RASAL2: variants seen among roughly 807,000 people sequenced by gnomAD.
The protein encoded by RASAL2 is RAS protein activator like 2.
In RASAL2, 58 loss-of-function variants were observed where a neutral mutation model predicts 128.9. The observed-to-expected ratio is 0.45, with a 90% CI of 0.36 to 0.56. RASAL2 has a LOEUF of 0.56. RASAL2 is among the 20% of genes least tolerant of loss of function. The pLI, the probability that RASAL2 is intolerant of heterozygous loss-of-function variation, is 0.00. For synonymous variants in RASAL2, 561 were observed against 580.8 expected, an observed-to-expected ratio of 0.97 and a Z score of 0.49; for missense variants, 1,360 against 1,601.6, an observed-to-expected ratio of 0.85 and a Z score of 2.57.
chr1:178,253,548 A>G (rs1665158377), intron 1 of RASAL2, among the ~76,000 whole-genome samples: 1 of 152,154 alleles, frequency 6.6e-6, no homozygotes, highest in Admixed American at 6.5e-5. Context: ...AAGGCTGTTT[A>G]TTTCACCTGG....
intron 3 of RASAL2, among the ~76,000 whole-genome samples, chr1:178,379,880 A>C (rs1385122449): frequency 6.6e-6 from 1 of 152,196 alleles, no homozygotes; most frequent in Non-Finnish European, 1.5e-5. Flanking sequence ...AATTATGTTT[A>C]AGTGTGCTTC....
At chr1:178,199,971 G>A (rs1662806035) in intron 1 of RASAL2, among the ~76,000 whole-genome samples, 1 of 152,150 alleles carries the variant, frequency 6.6e-6, no homozygotes, top group Non-Finnish European at 1.5e-5. Context: ...CTCCCATGCT[G>A]GATGCTTCCT....
At chr1:178,342,773 G>T (rs909741912) in intron 3 of RASAL2, among the ~76,000 whole-genome samples, 6 of 152,080 alleles carry the variant, frequency 3.9e-5, no homozygotes, top group Admixed American at 6.6e-5. Context: ...AAAAATATAA[G>T]ATAATATTTT....
At chr1:178,426,210 AAC>A (rs1675503389) in intron 5 of RASAL2, among the ~76,000 whole-genome samples, 1 of 152,196 alleles carries the variant, frequency 6.6e-6, no homozygotes, top group African/African-American at 2.4e-5. Flanking sequence ...TGTTCATAAC[AAC>A]ATTATTCATA....
intron 6 of RASAL2, 68 bp downstream of exon 6, chr1:178,439,643 T>TG: frequency 6.7e-7 from 1 of 1,494,130 alleles, no homozygotes; most frequent in Non-Finnish European, 9.1e-7. Context: ...CCAGTAATTT[T>TG]GCGATTTCAT....
At chr1:178,250,735 T>G (rs896639552) in intron 1 of RASAL2, among the ~76,000 whole-genome samples, 1 of 152,200 alleles carries the variant, frequency 6.6e-6, no homozygotes, top group Admixed American at 6.5e-5. Flanking sequence ...TATAAAAGTT[T>G]ACAACTATGG....
chr1:178,247,974 G>A (rs922589626), intron 1 of RASAL2, among the ~76,000 whole-genome samples: 1 of 152,150 alleles, frequency 6.6e-6, no homozygotes, highest in African/African-American at 2.4e-5. Context: ...TTACTGAGGA[G>A]TGTTTTACTT....
At chr1:178,450,390 A>C (rs1361754630) in intron 9 of RASAL2, among the ~76,000 whole-genome samples, 1 of 152,038 alleles carries the variant, frequency 6.6e-6, no homozygotes, top group Non-Finnish European at 1.5e-5. Flanking sequence ...TTGAGCCTAG[A>C]TCTCTGACCT....
At chr1:178,463,261 C>G (rs1047472742) in intron 14 of RASAL2, among the ~76,000 whole-genome samples, 5 of 151,840 alleles carry the variant, frequency 3.3e-5, no homozygotes, top group African/African-American at 1.2e-4. Flanking sequence ...AGCTTACTCT[C>G]TCTCTCTGAG....
chr1:178,423,781 T>C (rs572341171), intron 5 of RASAL2, among the ~76,000 whole-genome samples: 1 of 152,302 alleles, frequency 6.6e-6, no homozygotes, highest in South Asian at 2.1e-4. Context: ...TCCTGTCGTA[T>C]GTTTTCTTCT....
rs529400593 is a variant in RASAL2 at position 178,346,062 on chromosome 1, A to G, written c.458-44038A>G. On this transcript the variant is annotated intron_variant, in intron 3 of 17. Coordinates refer to ENST00000367649, the MANE Select transcript of RASAL2 (RefSeq NM_170692.4). ...TGGCCTGCTTTATTTATGAATCTCT[A>G]TTGTACAGCTGAAATTTAAGGAGTT... Among the ~76,000 whole-genome samples, 103 of 152,294 alleles carry G rather than the reference A, an allele frequency of 6.8e-4. 1 individual carries two copies. In the South Asian group the frequency reaches 0.02, roughly 29 times the overall value.
At chr1:178,411,840 C>T (rs566930320) in intron 4 of RASAL2, 52 of 757,722 alleles carry the variant, frequency 6.9e-5, no homozygotes, top group East Asian at 6.7e-4. Flanking sequence ...CTGCCCTACA[C>T]GTCAAACTCT....
intron 3 of RASAL2, among the ~76,000 whole-genome samples, chr1:178,307,700 A>G (rs1304755453): frequency 2.0e-5 from 3 of 152,140 alleles, no homozygotes; most frequent in Non-Finnish European, 2.9e-5. Context: ...TATGGAAGAA[A>G]ATTTATCTCT....
intron 1 of RASAL2, among the ~76,000 whole-genome samples, chr1:178,211,581 A>G (rs973502172): frequency 2.6e-5 from 4 of 152,028 alleles, no homozygotes; most frequent in Admixed American, 2.0e-4. Flanking sequence ...CCTGAAATGG[A>G]TCGTGCTGTT....
intron 6 of RASAL2, among the ~76,000 whole-genome samples, chr1:178,440,900 C>T (rs1022614858): frequency 6.7e-6 from 1 of 148,238 alleles, no homozygotes; most frequent in Non-Finnish European, 1.5e-5. Context: ...AGGACAGTCT[C>T]AAGAAATCTG....
chr1:178,304,767 C>T (rs1005565557), intron 3 of RASAL2, among the ~76,000 whole-genome samples: 4 of 152,274 alleles, frequency 2.6e-5, no homozygotes, highest in African/African-American at 9.6e-5. Flanking sequence ...ACTTTTACCA[C>T]TCTTATTTGT....
chr1:178,150,248 G>T (rs1660866525), intron 1 of RASAL2, among the ~76,000 whole-genome samples: 2 of 152,104 alleles, frequency 1.3e-5, no homozygotes, highest in Admixed American at 6.5e-5. Flanking sequence ...AGGCTGGAGT[G>T]CAGCAGCATG....
intron 1 of RASAL2, among the ~76,000 whole-genome samples, chr1:178,253,406 A>G (rs1289852957): frequency 6.6e-6 from 1 of 152,178 alleles, no homozygotes; most frequent in Non-Finnish European, 1.5e-5. Flanking sequence ...TTTGGGGGGC[A>G]TACAATTCAA....
chr1:178,110,639 T>TAC (rs1459476627), intron 1 of RASAL2, among the ~76,000 whole-genome samples: 9 of 33,454 alleles, frequency 2.7e-4, no homozygotes, highest in East Asian at 9.8e-4. Flanking sequence ...AGTGTATACA[T>TAC]ATATATATAT....
Sources: allele counts gnomAD v4.1 joint callset (sites outside exome capture counted in the v4.1 genomes callset), GRCh38; gene constraint gnomAD v4.1.1; transcripts MANE v1.5; gene names NCBI Gene and HGNC (gene_info 2026-07-23, HGNC 2026-07-21).